The following APAF1 variants were observed in gnomAD, a reference collection of about 807,000 sequenced individuals.
APAF1 encodes apoptotic peptidase activating factor 1.
A neutral mutation model predicts 152.4 loss-of-function variants in APAF1; 91 were observed. The ratio of observed to expected loss-of-function variants is 0.60; its 90% CI spans 0.50 to 0.71. APAF1 has a LOEUF of 0.71. APAF1 is among the 30% of genes least tolerant of loss of function. The probability of loss-of-function intolerance (pLI) is 0.00; values close to 1 mark genes in which losing one functional copy is unlikely to be tolerated. For missense variants in APAF1, 1,283 were observed against 1,472.0 expected (o/e 0.87, Z 2.10); for synonymous variants, 484 against 494.1 (o/e 0.98, Z 0.27).
chr12:98,668,478 C>G (rs765558556), intron 10 of APAF1, among the ~76,000 whole-genome samples: 2 of 152,156 alleles, frequency 1.3e-5, no homozygotes, highest in African/African-American at 2.4e-5. Flanking sequence ...TCATTGCTCT[C>G]ACGAGTTTAT....
chr12:98,695,513 C>T (rs554176574), intron 16 of APAF1, among the ~76,000 whole-genome samples: 2 of 152,284 alleles, frequency 1.3e-5, no homozygotes, highest in South Asian at 4.1e-4. Flanking sequence ...TACAGGTGTG[C>T]ACCACCATGC....
chr12:98,702,104 C>T (rs546447781), intron 17 of APAF1, among the ~76,000 whole-genome samples: 4 of 151,718 alleles, frequency 2.6e-5, no homozygotes, highest in Non-Finnish European at 5.9e-5. Context: ...CTCGCTCTTT[C>T]GCCCAGGCTG....
chr12:98,663,196 A>G, intron 7 of APAF1, among the ~76,000 whole-genome samples: 1 of 152,122 alleles, frequency 6.6e-6, no homozygotes, highest in Non-Finnish European at 1.5e-5. Context: ...TTTTTAGCGA[A>G]GTTAAACTTT....
intron 18 of APAF1, among the ~76,000 whole-genome samples, chr12:98,705,365 G>T (rs1156259955): frequency 1.3e-5 from 2 of 152,172 alleles, no homozygotes; most frequent in East Asian, 1.9e-4. Context: ...GAGATTTTCA[G>T]TTTCTTAGGA....
In APAF1 at chr12:98,732,752, A is replaced by C. The variant is rs2097764182; in HGVS notation, c.*186A>C. 1 of 570,408 alleles carries C rather than the reference A, an allele frequency of 1.8e-6. No homozygotes were observed. Among genetic ancestry groups the C allele is most frequent in the African/African-American group, 1.9e-5 (1 of 53,416 alleles). 35.3% of individuals were successfully genotyped at this position (570,408 alleles called of 1,614,324 possible). A position where few individuals can be genotyped will look rare whatever the true frequency, so the allele number is the denominator to read the frequency against. ...TTTTTCCCAAATGAACATACCTTTA[A>C]TCTTGTTTTTCATGATCATCATTAA... On this transcript the variant is annotated 3_prime_UTR_variant, in exon 27 of 27. Coordinates refer to ENST00000551964, the MANE Select transcript of APAF1 (RefSeq NM_181861.2).
At chr12:98,715,673 T>G (rs530149685) in intron 22 of APAF1, 121 bp downstream of exon 22, 4 of 1,154,684 alleles carry the variant, frequency 3.5e-6, no homozygotes, top group Non-Finnish European at 5.1e-6. Context: ...ATTCAGATTA[T>G]GTACATGGGC....
intron 12 of APAF1, among the ~76,000 whole-genome samples, chr12:98,674,459 C>CTT (rs2097684376): frequency 6.6e-6 from 1 of 152,096 alleles, no homozygotes; most frequent in Non-Finnish European, 1.5e-5. Flanking sequence ...CTCTCTCTCT[C>CTT]TCTGAGAAGC....
chr12:98,681,669 T>G (rs1326447387), intron 14 of APAF1, among the ~76,000 whole-genome samples: 5 of 152,204 alleles, frequency 3.3e-5, no homozygotes, highest in Non-Finnish European at 7.3e-5. Flanking sequence ...CTTGATAGAT[T>G]GGACTCGTGG....
chr12:98,650,232 C>T (rs1266860944), intron 4 of APAF1, among the ~76,000 whole-genome samples: 1 of 151,976 alleles, frequency 6.6e-6, no homozygotes, highest in African/African-American at 2.4e-5. Context: ...CACGGTGGCT[C>T]ATGCTTGTAA....
chr12:98,651,965 C>T (rs1303075286), intron 4 of APAF1, among the ~76,000 whole-genome samples: 1 of 152,144 alleles, frequency 6.6e-6, no homozygotes, highest in Non-Finnish European at 1.5e-5. Flanking sequence ...CAGGTGCATG[C>T]TGACACACCC....
intron 22 of APAF1, among the ~76,000 whole-genome samples, chr12:98,722,302 C>CTAA (rs2097744176): frequency 6.6e-6 from 1 of 152,100 alleles, no homozygotes; most frequent in Admixed American, 6.5e-5. Flanking sequence ...ATCATTGTAT[C>CTAA]TTCTATTGTA....
rs925565865 is a variant in APAF1, at chr12:98,733,743, C to G, written c.*1177C>G. The G allele has an allele frequency of 2.0e-5, 3 of 152,204 alleles. No individual in the cohort carries two copies. The highest frequency in any genetic ancestry group is 7.2e-5 in the African/African-American group (3 of 41,448). 9.4% of individuals were successfully genotyped at this position (152,204 alleles called of 1,614,324 possible). On this transcript the variant is annotated 3_prime_UTR_variant, in exon 27 of 27. Coordinates refer to ENST00000551964, the MANE Select transcript of APAF1 (RefSeq NM_181861.2). ...GCCACTGGCCTGGCCTTCAGCAGTT[C>G]TTTTTGTGAAGTAAAACTTGTATGT... is the stretch of plus-strand genomic sequence containing the variant.
At chr12:98,651,653 T>A (rs1410220586) in intron 4 of APAF1, among the ~76,000 whole-genome samples, 1 of 149,188 alleles carries the variant, frequency 6.7e-6, no homozygotes, top group East Asian at 1.9e-4. Context: ...TTAGTAATTA[T>A]TTATTTATTT....
intron 17 of APAF1, among the ~76,000 whole-genome samples, chr12:98,701,589 A>G (rs2097715453): frequency 6.6e-6 from 1 of 152,218 alleles, no homozygotes; most frequent in African/African-American, 2.4e-5. Context: ...GTGTTTTCCC[A>G]ATTACCAATG....
intron 26 of APAF1, among the ~76,000 whole-genome samples, chr12:98,728,186 G>T (rs1001051404): frequency 1.3e-5 from 2 of 152,052 alleles, no homozygotes; most frequent in African/African-American, 4.8e-5. Context: ...AGCAAGTTGG[G>T]TGTTTAACTT....
chr12:98,679,001 G>A (rs1478473379), intron 13 of APAF1, among the ~76,000 whole-genome samples: 14 of 152,154 alleles, frequency 9.2e-5, no homozygotes, highest in Non-Finnish European at 2.1e-4. Flanking sequence ...GGAAGGGGGC[G>A]GGTCACCAAT....
At position 98,677,308 on chromosome 12, in the gene APAF1, A is replaced by G. The variant is rs539049578; in HGVS notation, c.1794-117A>G. On this transcript the variant is annotated intron_variant, in intron 12 of 26. Coordinates refer to ENST00000551964, the MANE Select transcript of APAF1 (RefSeq NM_181861.2). ...GCATGTTAGTAATCTGATTTTAAGA[A>G]TTTTGTATTTTGGGGAACATAACCA... is the stretch of plus-strand genomic sequence containing the variant. 5.6e-6 allele frequency: 6 copies of G among 1,069,836 alleles called. No homozygotes were observed. The East Asian group carries it at 1.0e-4, about 18-fold the overall frequency. 66.3% of individuals were successfully genotyped at this position (1,069,836 alleles called of 1,614,324 possible).
intron 3 of APAF1, 131 bp from the exon 4 acceptor site, chr12:98,649,356 G>A: frequency 7.6e-7 from 1 of 1,321,792 alleles, no homozygotes; most frequent in Admixed American, 2.3e-5. Flanking sequence ...TAATATGCTA[G>A]CCACATTTTC....
Position 98,715,512 on chromosome 12 carries a change from A to T in APAF1, c.3044A>T (p.Glu1015Val). ...TVWHIQFTAD[E>V]KTLISSSDDA... is the part of the protein sequence containing the mutation. The stretch of plus-strand genomic sequence containing the variant: ...TGGCACATCCAGTTCACAGCCGATG[A>T]GAAGACTCTTATTTCAAGTTCTGAT... The change falls in exon 22 of 27, where the codon GAG (glutamate) becomes GTG (valine). Residue 1015 changes from glutamate to valine, a missense_variant. Transcript: ENST00000551964. 6.2e-7 allele frequency: 1 copy of T among 1,613,752 alleles called. No homozygotes were observed. The highest frequency in any genetic ancestry group is 1.1e-5 in the South Asian group (1 of 91,072).
Sources: allele counts gnomAD v4.1 joint callset (sites outside exome capture counted in the v4.1 genomes callset), GRCh38; gene constraint gnomAD v4.1.1; transcripts MANE v1.5; gene names NCBI Gene and HGNC (gene_info 2026-07-23, HGNC 2026-07-21).